DNM3: variants seen among roughly 807,000 people sequenced by gnomAD.
DNM3 encodes dynamin 3.
A neutral mutation model predicts 101.6 loss-of-function variants in DNM3; 47 were observed. The observed-to-expected ratio is 0.46, with a 90% CI of 0.37 to 0.59. The LOEUF is 0.59. Ranked by LOEUF, DNM3 falls within the 20% of genes least tolerant of loss-of-function variation. The probability of loss-of-function intolerance (pLI) is 0.00; values close to 1 mark genes in which losing one functional copy is unlikely to be tolerated. For synonymous variants in DNM3, 385 were observed against 387.9 expected, an observed-to-expected ratio of 0.99 and a Z score of 0.09; for missense variants, 849 against 1,085.7, an observed-to-expected ratio of 0.78 and a Z score of 3.06.
chr1:171,942,674 A>G (rs527285218), intron 2 of DNM3, among the ~76,000 whole-genome samples: 3 of 152,324 alleles, frequency 2.0e-5, no homozygotes, highest in African/African-American at 2.4e-5. Flanking sequence ...GTTAAATGCT[A>G]TGGAAGGCAA....
chr1:172,016,110 T>G (rs1282890380), intron 4 of DNM3, among the ~76,000 whole-genome samples: 4 of 149,758 alleles, frequency 2.7e-5, no homozygotes, highest in African/African-American at 7.4e-5. Context: ...TCACTTGAAC[T>G]CAGGATGCAG....
intron 20 of DNM3, among the ~76,000 whole-genome samples, chr1:172,391,363 A>G (rs1218965708): frequency 6.6e-6 from 1 of 152,228 alleles, no homozygotes; most frequent in East Asian, 1.9e-4. Context: ...CACCTGAGAG[A>G]GGGCAAGAAA....
chr1:172,195,959 G>A (rs929844290), intron 14 of DNM3, among the ~76,000 whole-genome samples: 4 of 151,394 alleles, frequency 2.6e-5, no homozygotes, highest in African/African-American at 9.7e-5. Flanking sequence ...TGTTACGTAG[G>A]TAAACTCATG....
At chr1:172,161,300 C>T (rs1466112750) in intron 14 of DNM3, among the ~76,000 whole-genome samples, 2 of 151,576 alleles carry the variant, frequency 1.3e-5, no homozygotes, top group African/African-American at 4.8e-5. Context: ...GAGGAACAAA[C>T]GAATGGCACT....
chr1:172,215,780 G>C (rs1429553641), intron 14 of DNM3, among the ~76,000 whole-genome samples: 2 of 151,978 alleles, frequency 1.3e-5, no homozygotes, highest in South Asian at 4.2e-4. Flanking sequence ...GGCAGAGCCA[G>C]GTAATTGATG....
intron 20 of DNM3, among the ~76,000 whole-genome samples, chr1:172,396,044 C>T (rs2069961353): frequency 2.0e-5 from 3 of 152,248 alleles, no homozygotes; most frequent in Non-Finnish European, 2.9e-5. Flanking sequence ...GCCGTCTCCT[C>T]ATGGCACTTT....
chr1:172,196,578 G>T (rs921074772), intron 14 of DNM3, among the ~76,000 whole-genome samples: 3 of 151,864 alleles, frequency 2.0e-5, no homozygotes, highest in Admixed American at 6.6e-5. Flanking sequence ...TATTATTTTT[G>T]ACTTTTTAAT....
chr1:171,923,243 C>A (rs1198284113), intron 2 of DNM3, among the ~76,000 whole-genome samples: 1 of 152,130 alleles, frequency 6.6e-6, no homozygotes, highest in African/African-American at 2.4e-5. Flanking sequence ...GTGGTTTTGA[C>A]TTGCGTTTTC....
intron 3 of DNM3, among the ~76,000 whole-genome samples, 192 bp from the exon 4 acceptor site, chr1:171,988,753 T>C (rs2045443729): frequency 6.6e-6 from 1 of 152,178 alleles, no homozygotes; most frequent in South Asian, 2.1e-4. Flanking sequence ...TCATTTGGCA[T>C]AGCACAATCA....
At chr1:172,017,847 T>C (rs1490246896) in intron 4 of DNM3, among the ~76,000 whole-genome samples, 3 of 152,160 alleles carry the variant, frequency 2.0e-5, no homozygotes, top group Non-Finnish European at 4.4e-5. Flanking sequence ...TTTGCAGTTC[T>C]TTCTGTTTCT....
chr1:172,176,048 A>G (rs1213152066), intron 14 of DNM3, among the ~76,000 whole-genome samples: 2 of 151,820 alleles, frequency 1.3e-5, no homozygotes, highest in African/African-American at 2.4e-5. Context: ...ACCTGTAAAT[A>G]TGTTATCTTA....
At chr1:172,266,646 T>C (rs1039694141) in intron 15 of DNM3, among the ~76,000 whole-genome samples, 3 of 152,168 alleles carry the variant, frequency 2.0e-5, no homozygotes, top group African/African-American at 7.2e-5. Flanking sequence ...GGAAGGTTTT[T>C]ATTTGTCAGA....
intron 14 of DNM3, among the ~76,000 whole-genome samples, chr1:172,249,157 A>G (rs1050124161): frequency 2.6e-5 from 4 of 152,046 alleles, no homozygotes; most frequent in African/African-American, 9.7e-5. Context: ...GCTCATACCC[A>G]TTGTATCTCC....
chr1:172,106,847 C>CTTTTTTTTTTTTTTTTTTT lies in DNM3; in HGVS notation c.1545+13978_1545+13996dup, dbSNP rs1165611083. 2.1e-4 allele frequency among the ~76,000 whole-genome samples: 14 copies of CTTTTTTTTTTTTTTTTTTT among 67,954 alleles called. 2 individuals are homozygous for CTTTTTTTTTTTTTTTTTTT. The highest frequency in any genetic ancestry group is 8.2e-4 in the African/African-American group (13 of 15,790). 44.6% of individuals were successfully genotyped at this position (67,954 alleles called of 152,430 possible). ...TTATTCAATTTAAGGTAACATTATTCTTTTTTTTTTTTTTTTTTTTTTTTG... is the reference window on the plus strand; with the variant it reads ...TTATTCAATTTAAGGTAACATTATTCTTTTTTTTTTTTTTTTTTTTTTTTTTTTTTTTTTTTTTTTTTTG... On this transcript the variant is annotated intron_variant, in intron 13 of 20. Coordinates refer to ENST00000627582, the MANE Select transcript of DNM3 (RefSeq NM_015569.5).
chr1:172,113,609 A>G (rs2055656466), intron 13 of DNM3, among the ~76,000 whole-genome samples: 1 of 146,496 alleles, frequency 6.8e-6, no homozygotes, highest in Non-Finnish European at 1.5e-5. Flanking sequence ...AACAAGAGCA[A>G]AACTCTGTCT....
rs75799444 is a variant in DNM3 at position 172,034,853 on chromosome 1, G to A, written c.849+1588G>A. On this transcript the variant is annotated intron_variant, in intron 6 of 20. Coordinates refer to ENST00000627582, the MANE Select transcript of DNM3 (RefSeq NM_015569.5). The stretch of plus-strand genomic sequence containing the variant: ...AGTTGTATTAGATGATATTGGAGAT[G>A]TAGGCAGTGGCTGAATCCTGTAATG... Among the ~76,000 whole-genome samples, 940 of 152,204 alleles carry A rather than the reference G, an allele frequency of 6.2e-3. 18 individuals carry two copies. The highest frequency in any genetic ancestry group is 0.021 in the African/African-American group (889 of 41,534).
At chr1:172,313,776 A>C (rs1038929532) in intron 16 of DNM3, among the ~76,000 whole-genome samples, 2 of 151,904 alleles carry the variant, frequency 1.3e-5, no homozygotes, top group Non-Finnish European at 2.9e-5. Context: ...GCATTTATTT[A>C]TTTATTTATT....
chr1:172,160,442 A>C (rs2058506524), intron 14 of DNM3, among the ~76,000 whole-genome samples: 1 of 151,834 alleles, frequency 6.6e-6, no homozygotes, highest in Non-Finnish European at 1.5e-5. Context: ...TTTATTTTTT[A>C]CTTTTTAAAT....
At chr1:172,018,546 TG>T (rs1457020325) in intron 4 of DNM3, among the ~76,000 whole-genome samples, 1 of 152,206 alleles carries the variant, frequency 6.6e-6, no homozygotes, top group Non-Finnish European at 1.5e-5. Context: ...TGACTTATTA[TG>T]GTGTGATGTC....
Sources: gnomAD v4.1 joint callset for allele counts (sites outside exome capture counted in the v4.1 genomes callset) on GRCh38, gnomAD v4.1.1 for gene constraint, MANE v1.5 for transcripts, NCBI Gene and HGNC (gene_info 2026-07-23, HGNC 2026-07-21) for gene names.